CLMN: variants seen among roughly 807,000 people sequenced by gnomAD.
CLMN encodes the protein calmin (calponin-like, transmembrane).
Under a neutral mutation model 92.7 loss-of-function variants are expected in CLMN, and 57 were observed. That is an observed-to-expected ratio of 0.61 (90% CI 0.50 to 0.77). The LOEUF (loss-of-function observed/expected upper bound fraction) is 0.77. Ranked by LOEUF, CLMN falls within the 30% of genes least tolerant of loss-of-function variation. The probability of loss-of-function intolerance (pLI) is 0.00; values close to 1 mark genes in which losing one functional copy is unlikely to be tolerated. For synonymous variants in CLMN, 466 were observed against 470.6 expected (o/e 0.99, Z 0.13); for missense variants, 1,158 against 1,237.5 (o/e 0.94, Z 0.96).
chr14:95,216,603 C>T (rs546454451), intron 4 of CLMN, among the ~76,000 whole-genome samples: 40 of 152,312 alleles, frequency 2.6e-4, no homozygotes, highest in Middle Eastern at 6.8e-3. Context: ...TGAGCAGTCA[C>T]GGACTGTGGT....
chr14:95,207,674 G>A (rs934319599), intron 8 of CLMN, among the ~76,000 whole-genome samples: 1 of 152,194 alleles, frequency 6.6e-6, no homozygotes, highest in Non-Finnish European at 1.5e-5. Context: ...GAGAGGTCAA[G>A]TCACCAGCCT....
At position 95,249,673 on chromosome 14, in the gene CLMN, C is replaced by T. The variant is rs139935380; in HGVS notation, c.83-19540G>A. On this transcript the variant is annotated intron_variant, in intron 1 of 12. Coordinates refer to ENST00000298912, the MANE Select transcript of CLMN (RefSeq NM_024734.4). ...GTGGTGCGATCTCAGCTCACTGCAA[C>T]CTCCGCCTTCCGGATTCAAGCAATT... Among the ~76,000 whole-genome samples the T allele has an allele frequency of 5.8e-3, 879 of 152,178 alleles. 7 individuals are homozygous for T. Among genetic ancestry groups the T allele is most frequent in the African/African-American group, 0.02 (843 of 41,502 alleles).
intron 1 of CLMN, among the ~76,000 whole-genome samples, chr14:95,287,101 T>G (rs946011877): frequency 6.6e-6 from 1 of 152,238 alleles, no homozygotes; most frequent in Admixed American, 6.5e-5. Context: ...CCTTGTGCCT[T>G]GCCTCCTATC....
chr14:95,285,444 G>A (rs771827013), intron 1 of CLMN, among the ~76,000 whole-genome samples: 2 of 152,172 alleles, frequency 1.3e-5, no homozygotes, highest in South Asian at 4.1e-4. Flanking sequence ...TTAAATGTGT[G>A]TGGGAGAGAG....
At chr14:95,288,105 C>T (rs1361702047) in intron 1 of CLMN, among the ~76,000 whole-genome samples, 2 of 152,220 alleles carry the variant, frequency 1.3e-5, no homozygotes, top group East Asian at 3.8e-4. Flanking sequence ...CCTGGAAGAG[C>T]ACATGGGCTT....
At chr14:95,305,588 A>C (rs186142177) in intron 1 of CLMN, among the ~76,000 whole-genome samples, 5 of 152,384 alleles carry the variant, frequency 3.3e-5, no homozygotes, top group African/African-American at 1.2e-4. Context: ...AATGATATCC[A>C]AGTAAAAGGA....
chr14:95,296,249 CTTA>C (rs1301284371), intron 1 of CLMN: 2 of 152,250 alleles, frequency 1.3e-5, no homozygotes, highest in Non-Finnish European at 2.9e-5. Context: ...GGGGGCTGGA[CTTA>C]TCATTTTATC....
intron 1 of CLMN, among the ~76,000 whole-genome samples, chr14:95,234,862 C>G (rs111546758): frequency 6.6e-6 from 1 of 152,302 alleles, no homozygotes; most frequent in Admixed American, 6.5e-5. Flanking sequence ...AAGGGATGCA[C>G]GCATTAGGAG....
intron 1 of CLMN, among the ~76,000 whole-genome samples, chr14:95,261,192 C>CAAA (rs34154169): frequency 7.0e-4 from 89 of 127,908 alleles, no homozygotes; most frequent in Middle Eastern, 4.1e-3. Flanking sequence ...CACACAAATG[C>CAAA]AAAAAAAAAA....
At chr14:95,245,134 T>G (rs1213286284) in intron 1 of CLMN, among the ~76,000 whole-genome samples, 3 of 93,558 alleles carry the variant, frequency 3.2e-5, no homozygotes, top group African/African-American at 1.2e-4. Flanking sequence ...AGGATGAATT[T>G]CCTGACCGCA....
Position 95,304,518 on chromosome 14 carries a change from G to T in CLMN, c.82+15193C>A, listed in dbSNP as rs184193474. 1.0e-3 allele frequency among the ~76,000 whole-genome samples: 154 copies of T among 152,128 alleles called. 2 individuals carry two copies. Among genetic ancestry groups the T allele is most frequent in the Admixed American group, 8.5e-3 (130 of 15,280 alleles). On this transcript the variant is annotated intron_variant, in intron 1 of 12. Coordinates refer to ENST00000298912, the MANE Select transcript of CLMN (RefSeq NM_024734.4). Reference sequence around the variant, plus strand: ...GAGGATGAGAGGAAAGAACCAGCCGGATCCGTGCATCCCCTCCCCCACATC... The same window carrying T: ...GAGGATGAGAGGAAAGAACCAGCCGTATCCGTGCATCCCCTCCCCCACATC...
rs567438213 is a variant in CLMN, at chr14:95,295,755, C to A, written c.82+23956G>T. Among the ~76,000 whole-genome samples, 32 of 152,358 alleles carry A rather than the reference C, an allele frequency of 2.1e-4. 1 individual carries two copies. The South Asian group carries it at 6.4e-3, about 31-fold the overall frequency. On this transcript the variant is annotated intron_variant, in intron 1 of 12. Coordinates refer to ENST00000298912, the MANE Select transcript of CLMN (RefSeq NM_024734.4). ...TGGCCAATGACAGATGAATGACCCA[C>A]AAACAAGTCAAGTTCGGTCCTACCT...
At chr14:95,224,786 C>T (rs1467848850) in intron 2 of CLMN, among the ~76,000 whole-genome samples, 2 of 152,200 alleles carry the variant, frequency 1.3e-5, no homozygotes, top group Non-Finnish European at 2.9e-5. Context: ...CAGTAGGGCT[C>T]CCCCATCTCC....
At chr14:95,237,552 G>T (rs901113017) in intron 1 of CLMN, among the ~76,000 whole-genome samples, 3 of 152,240 alleles carry the variant, frequency 2.0e-5, no homozygotes, top group African/African-American at 7.2e-5. Context: ...GCCAGGAGAG[G>T]GAGGGTGGCA....
At chr14:95,228,209 C>T (rs1388051516) in intron 2 of CLMN, among the ~76,000 whole-genome samples, 1 of 152,112 alleles carries the variant, frequency 6.6e-6, no homozygotes, top group Non-Finnish European at 1.5e-5. Context: ...TCTAGTGTGT[C>T]CCCCAGCAGG....
chr14:95,319,303 T>TCACACA lies in CLMN; in HGVS notation c.82+402_82+407dup, dbSNP rs60670197. Among the ~76,000 whole-genome samples the TCACACA allele has an allele frequency of 4.6e-3, 665 of 144,180 alleles. 3 individuals are homozygous for TCACACA. Among genetic ancestry groups the TCACACA allele is most frequent in the African/African-American group, 0.014 (526 of 38,184 alleles). The allele number at this position is 144,180 out of a possible 152,430, so 94.6% of individuals were successfully genotyped here. On this transcript the variant is annotated intron_variant, in intron 1 of 12. Transcript: ENST00000298912. ...GAAGGTACTTAGGAAGTGCGCGAAC[T>TCACACA]CACACACACACACACACACACACAC...
At chr14:95,255,164 G>A (rs546382136) in intron 1 of CLMN, among the ~76,000 whole-genome samples, 36 of 152,290 alleles carry the variant, frequency 2.4e-4, no homozygotes, top group African/African-American at 8.7e-4. Context: ...CAAGGAGAGC[G>A]CTTCAGAGGA....
At chr14:95,290,515 G>A (rs1900522810) in intron 1 of CLMN, among the ~76,000 whole-genome samples, 1 of 152,192 alleles carries the variant, frequency 6.6e-6, no homozygotes, top group Non-Finnish European at 1.5e-5. Context: ...AGAGAGTTGA[G>A]ACGCTGCTGG....
intron 1 of CLMN, among the ~76,000 whole-genome samples, chr14:95,284,243 A>G (rs1461079930): frequency 6.6e-6 from 1 of 152,218 alleles, no homozygotes; most frequent in Non-Finnish European, 1.5e-5. Context: ...ACCTCCGCCT[A>G]GATTTCAGAT....
Sources: gnomAD v4.1 joint callset for allele counts (sites outside exome capture counted in the v4.1 genomes callset) on GRCh38, gnomAD v4.1.1 for gene constraint, MANE v1.5 for transcripts, NCBI Gene and HGNC (gene_info 2026-07-23, HGNC 2026-07-21) for gene names.